The following SCAF1 variants were observed in gnomAD, a reference collection of about 807,000 sequenced individuals.
The protein encoded by SCAF1 is SR-related CTD associated factor 1.
A neutral mutation model predicts 91.2 loss-of-function variants in SCAF1; 28 were observed. The ratio of observed to expected loss-of-function variants is 0.31; its 90% confidence interval spans 0.23 to 0.42. The LOEUF (loss-of-function observed/expected upper bound fraction) is 0.42, where lower values mean the gene tolerates loss of function less well. Among genes scored for constraint, SCAF1 ranks in the 10% least tolerant of loss-of-function variants. SCAF1 has a pLI of 1.00. For missense variants in SCAF1, 1,893 were observed against 1,872.1 expected, an observed-to-expected ratio of 1.01 and a Z score of -0.21; for synonymous variants, 1,036 against 833.7, an observed-to-expected ratio of 1.24 and a Z score of -4.18.
In SCAF1 at chr19:49,651,692, C is replaced by A; in HGVS notation, c.1303C>A (p.Pro435Thr). ...ATPTAQPLPQ[P>T]PAPRAPEGDD... ...CCCCACGGCCCAGCCCCTTCCTCAG[C>A]CTCCCGCTCCGCGGGCCCCCGAGGG... is the stretch of plus-strand genomic sequence containing the variant. Residue 435 changes from proline (P) to threonine (T), a missense_variant, in exon 7 of 11, where the codon CCT becomes ACT. Pro to Thr is a conservative substitution (Grantham distance 38). Around this residue, in one of 5 missense-constraint regions of SCAF1, gnomAD observed 1,436 missense variants for 1,306.8 expected, o/e 1.10. Coordinates refer to ENST00000360565, the MANE Select transcript of SCAF1 (RefSeq NM_021228.3). 7.2e-7 allele frequency: 1 copy of A among 1,395,942 alleles called. No individual in the cohort carries two copies. Among genetic ancestry groups the A allele is most frequent in the South Asian group, 1.6e-5 (1 of 63,044 alleles). 86.5% of individuals were successfully genotyped at this position (1,395,942 alleles called of 1,614,324 possible).
In SCAF1 at chr19:49,650,976, C is replaced by G; in HGVS notation, c.587C>G (p.Ser196Cys). The G allele has an allele frequency of 7.5e-7, 1 of 1,324,932 alleles. No homozygotes were observed. Among genetic ancestry groups the G allele is most frequent in the African/African-American group, 1.5e-5 (1 of 67,606 alleles). The allele number at this position is 1,324,932 out of a possible 1,614,324, so 82.1% of individuals were successfully genotyped here. ...CCTGCCCCCTCCTCTGCATCCTCCT[C>G]CCCTTCCCCTTCTCCCTCATCTTCC... ...PPPAPSSASS[S>C]PSPSPSSSSP... Residue 196 changes from serine (S) to cysteine (C), a missense_variant, in exon 7 of 11, where the codon TCC becomes TGC. Around this residue, in one of 5 missense-constraint regions of SCAF1, gnomAD observed 270 missense variants for 292.5 expected, o/e 0.92. Transcript: ENST00000360565.
At position 49,645,361 on chromosome 19, in the gene SCAF1, T is replaced by C; in HGVS notation, c.116T>C (p.Ile39Thr). The change falls in exon 3 of 11, where the codon ATC becomes ACC. Residue 39 changes from isoleucine (I) to threonine (T), a missense_variant. This residue lies in a region of SCAF1 where 270 missense variants were observed against 292.5 expected (regional missense o/e 0.92). Transcript: ENST00000360565. This position sits in a 1 kb window ranked among gnomAD's most constrained non-coding sequence, Gnocchi z 4.6. Reference sequence around the variant, plus strand: ...TCTTCCCCCCTTCCCCAGCGAGCCATCCAGCAGGCTGTGGGAAGCTCCCTG... The same window carrying C: ...TCTTCCCCCCTTCCCCAGCGAGCCACCCAGCAGGCTGTGGGAAGCTCCCTG... ...LSPSAFILRA[I>T]QQAVGSSLQG... 6.2e-7 allele frequency: 1 copy of C among 1,613,924 alleles called. No individual in the cohort carries two copies. Among genetic ancestry groups the C allele is most frequent in the Non-Finnish European group, 8.5e-7 (1 of 1,179,872 alleles).
intron 9 of SCAF1, among the ~76,000 whole-genome samples, chr19:49,656,312 T>C (rs2081139086): frequency 6.6e-6 from 1 of 152,168 alleles, no homozygotes. Context: ...GAGAAGTCCC[T>C]CCAGGGCAGC....
Position 49,652,060 on chromosome 19 carries a change from GC to G in SCAF1, c.1672del (p.Arg558GlyfsTer180). The stretch of plus-strand genomic sequence containing the variant: ...CCTGGGACTCCAAGAAGCACCGCTC[GC>G]GGGACCGCAAGCCCGGCTCCCACGC... ...SPWDSKKHRS[R>X]DRKPGSHASS... On this transcript the variant is annotated frameshift_variant, in exon 7 of 11. Transcript: ENST00000360565. LOFTEE classifies it high-confidence loss of function. 8.2e-7 allele frequency: 1 copy of G among 1,225,672 alleles called. No homozygotes were observed. The highest frequency in any genetic ancestry group is 1.6e-5 in the South Asian group (1 of 63,750). The allele number at this position is 1,225,672 out of a possible 1,614,324, so 75.9% of individuals were successfully genotyped here.
intron 8 of SCAF1, 89 bp downstream of exon 8, chr19:49,654,520 G>T: frequency 7.0e-7 from 1 of 1,423,436 alleles, no homozygotes; most frequent in South Asian, 1.2e-5. Context: ...GGCAGCTCTG[G>T]GGCAAGGTAT....
chr19:49,646,693 AC>A lies in SCAF1; in HGVS notation c.363-19del. The stretch of plus-strand genomic sequence containing the variant: ...AGAGCCAGAAGCACCCCTGAGGCTC[AC>A]CCACCCCTTCCGCCTTGCAGAAGTG... On this transcript the variant is annotated intron_variant, in intron 5 of 10. Coordinates refer to ENST00000360565, the MANE Select transcript of SCAF1 (RefSeq NM_021228.3). The surrounding 1 kb of genome is among the most constrained non-coding windows in gnomAD (Gnocchi z 5.6). 1.2e-6 allele frequency: 2 copies of A among 1,613,162 alleles called. No individual in the cohort carries two copies. The highest frequency in any genetic ancestry group is 1.7e-6 in the Non-Finnish European group (2 of 1,179,336).
At position 49,652,152 on chromosome 19, in the gene SCAF1, G is replaced by A. The variant is rs1413170086; in HGVS notation, c.1763G>A (p.Arg588His). 4.6e-6 allele frequency: 5 copies of A among 1,093,614 alleles called. No individual in the cohort carries two copies. The highest frequency in any genetic ancestry group is 3.0e-5 in the South Asian group (1 of 33,256). The allele number at this position is 1,093,614 out of a possible 1,614,324, so 67.7% of individuals were successfully genotyped here. The change falls in exon 7 of 11, where the codon CGC (arginine) becomes CAC (histidine). Residue 588 changes from arginine to histidine, a missense_variant. Arg to His is a conservative substitution (Grantham distance 29). Around this residue, in one of 5 missense-constraint regions of SCAF1, gnomAD observed 1,436 missense variants for 1,306.8 expected, o/e 1.10. Transcript: ENST00000360565. ...TCCCGCTCCACCCGCCGCCGCTCGC[G>A]CAGCACCGACCGCCGCCGCGGGGGC... ...SRSRSTRRRS[R>H]STDRRRGGSR...
At chr19:49,649,398 C>T (rs550713497) in intron 6 of SCAF1, among the ~76,000 whole-genome samples, 32 of 152,280 alleles carry the variant, frequency 2.1e-4, no homozygotes, top group African/African-American at 7.0e-4. Context: ...TCTATTCCTC[C>T]GCTTATCCTG....
In SCAF1 at chr19:49,652,977, G is replaced by C; in HGVS notation, c.2588G>C (p.Gly863Ala). 1 of 1,613,994 alleles carries C rather than the reference G, an allele frequency of 6.2e-7. No individual in the cohort carries two copies. Among genetic ancestry groups the C allele is most frequent in the Non-Finnish European group, 8.5e-7 (1 of 1,180,016 alleles). Residue 863 changes from glycine (G) to alanine (A), a missense_variant, in exon 7 of 11, where the codon GGC becomes GCC. This residue lies in a region of SCAF1 where 1,436 missense variants were observed against 1,306.8 expected (regional missense o/e 1.10). Coordinates refer to ENST00000360565, the MANE Select transcript of SCAF1 (RefSeq NM_021228.3). ...DAASAGLGSI[G>A]VKFSRDRESR... ...GCGTCAGCCGGCCTGGGCTCCATTG[G>C]CGTCAAATTCAGCCGTGACCGCGAG...
In SCAF1 at chr19:49,651,905, G is replaced by A. The variant is rs892718060; in HGVS notation, c.1516G>A (p.Ala506Thr). 1.6e-5 allele frequency: 18 copies of A among 1,153,670 alleles called. No individual in the cohort carries two copies. Among genetic ancestry groups the A allele is most frequent in the Admixed American group, 5.3e-5 (1 of 19,008 alleles). 71.5% of individuals were successfully genotyped at this position (1,153,670 alleles called of 1,614,324 possible). ...QRSPSPAPAP[A>T]PAAAAGPPTR... ...CTCGCCCTCCCCGGCGCCCGCGCCC[G>A]CCCCGGCCGCCGCTGCTGGTCCGCC... Residue 506 changes from alanine (A) to threonine (T), a missense_variant, in exon 7 of 11, where the codon GCC becomes ACC. By Grantham distance (58) the Ala-to-Thr change is moderately conservative. This residue lies in a region of SCAF1 where 1,436 missense variants were observed against 1,306.8 expected (regional missense o/e 1.10). Transcript: ENST00000360565.
chr19:49,646,467 A>G lies in SCAF1; in HGVS notation c.262-59A>G. 6.9e-7 allele frequency: 1 copy of G among 1,451,202 alleles called. No homozygotes were observed. Among genetic ancestry groups the G allele is most frequent in the Non-Finnish European group, 9.7e-7 (1 of 1,034,128 alleles). The allele number at this position is 1,451,202 out of a possible 1,614,324, so 89.9% of individuals were successfully genotyped here. On this transcript the variant is annotated intron_variant, in intron 4 of 10. Transcript: ENST00000360565. The surrounding 1 kb of genome is among the most constrained non-coding windows in gnomAD (Gnocchi z 5.6). ...CTGAGAGGTTAGGGAGTGGGGAAGCAGGATTTGCCAGTCTTCATGTGACCA... is the reference window on the plus strand; with the variant it reads ...CTGAGAGGTTAGGGAGTGGGGAAGCGGGATTTGCCAGTCTTCATGTGACCA...
chr19:49,646,072 C>G lies in SCAF1; in HGVS notation c.167-36C>G, dbSNP rs768305369. The G allele has an allele frequency of 6.3e-7, 1 of 1,578,464 alleles. No individual in the cohort carries two copies. Among genetic ancestry groups the G allele is most frequent in the Non-Finnish European group, 8.7e-7 (1 of 1,150,274 alleles). ...ACCCCGCAAGTCTCTGCAGCAAGTC[C>G]CCTGTGTCCAATCCCCCATGCAAAT... is the stretch of plus-strand genomic sequence containing the variant. On this transcript the variant is annotated intron_variant, in intron 3 of 10. Coordinates refer to ENST00000360565, the MANE Select transcript of SCAF1 (RefSeq NM_021228.3). The surrounding 1 kb of genome is among the most constrained non-coding windows in gnomAD (Gnocchi z 5.6).
chr19:49,646,892 T>C lies in SCAF1; in HGVS notation c.478+62T>C. On this transcript the variant is annotated intron_variant, in intron 6 of 10. Coordinates refer to ENST00000360565, the MANE Select transcript of SCAF1 (RefSeq NM_021228.3). This position sits in a 1 kb window ranked among gnomAD's most constrained non-coding sequence, Gnocchi z 5.6. ...TGGAGTTGTGTGGGGATCGGCTGTT[T>C]TTGGTAGTGATGGTAGCGGTGATCA... The C allele has an allele frequency of 7.8e-7, 1 of 1,287,130 alleles. No homozygotes were observed. Among genetic ancestry groups the C allele is most frequent in the Non-Finnish European group, 1.1e-6 (1 of 922,822 alleles). 79.7% of individuals were successfully genotyped at this position (1,287,130 alleles called of 1,614,324 possible). A position where few individuals can be genotyped will look rare whatever the true frequency, so the allele number is the denominator to read the frequency against.
upstream of SCAF1, among the ~76,000 whole-genome samples, chr19:49,641,403 G>A (rs1398892012): frequency 6.6e-6 from 1 of 152,172 alleles, no homozygotes; most frequent in African/African-American, 2.4e-5. Context: ...TGCAACCTCC[G>A]CTTCCCGGGT....
upstream of SCAF1, chr19:49,642,042 C>A (rs925935071): frequency 6.6e-6 from 1 of 152,296 alleles, no homozygotes; most frequent in Admixed American, 6.5e-5. This position sits in a 1 kb window ranked among gnomAD's most constrained non-coding sequence, Gnocchi z 4.0. Flanking sequence ...TCGCGCGGAC[C>A]CCGCCCCATG....
In SCAF1 at chr19:49,653,647, G is replaced by T; in HGVS notation, c.3258G>T (p.Pro1086=). The T allele has an allele frequency of 6.3e-7, 1 of 1,587,270 alleles. No homozygotes were observed. The part of the protein sequence containing the change: ...SRVSQLPTLP[P]PMPWNLPAGV... Reference sequence around the variant, plus strand: ...TCTCCCAGCTGCCCACGTTGCCCCCGCCCATGCCCTGGAATCTGCCAGCTG... The same window carrying T: ...TCTCCCAGCTGCCCACGTTGCCCCCTCCCATGCCCTGGAATCTGCCAGCTG... Residue 1086 remains proline (P), a synonymous_variant, in exon 7 of 11, where the codon CCG becomes CCT. Transcript: ENST00000360565.
intron 6 of SCAF1, among the ~76,000 whole-genome samples, chr19:49,650,081 C>T (rs1406537417): frequency 2.6e-5 from 4 of 152,172 alleles, no homozygotes; most frequent in Non-Finnish European, 4.4e-5. Flanking sequence ...TCTTTGGGGG[C>T]GAATGAGGTG....
In SCAF1 at chr19:49,648,380, G is replaced by C. The variant is rs184414797; in HGVS notation, c.478+1550G>C. ...GCCTGCCTCAACCTCCCAAACTGCT[G>C]GGATTATGGGCGTGAGCCACCACGC... On this transcript the variant is annotated intron_variant, in intron 6 of 10. Transcript: ENST00000360565. 3.1e-3 allele frequency among the ~76,000 whole-genome samples: 469 copies of C among 152,150 alleles called. 2 individuals are homozygous for C. The highest frequency in any genetic ancestry group is 0.011 in the African/African-American group (441 of 41,514).
In SCAF1 at chr19:49,652,501, C is replaced by A; in HGVS notation, c.2112C>A (p.Thr704=). The A allele has an allele frequency of 6.3e-7, 1 of 1,585,048 alleles. No homozygotes were observed. The part of the protein sequence containing the change: ...TDHDLFAIKR[T]ITVGRLDKSD... The stretch of plus-strand genomic sequence containing the variant: ...ACGACCTCTTCGCCATCAAGCGGAC[C>A]ATCACGGTGGGCCGGCTTGACAAGT... Residue 704 remains threonine (T), a synonymous_variant, in exon 7 of 11, where the codon ACC becomes ACA. Transcript: ENST00000360565.
Sources: allele counts gnomAD v4.1 joint callset (sites outside exome capture counted in the v4.1 genomes callset), GRCh38; gene constraint gnomAD v4.1.1; regional missense constraint gnomAD v4.1.1; non-coding constraint Gnocchi (gnomAD v3.1); transcripts MANE v1.5; gene names NCBI Gene and HGNC (gene_info 2026-07-23, HGNC 2026-07-21).